Variants in CACNA1E observed in about 807,000 individuals in gnomAD.
CACNA1E encodes the protein calcium voltage-gated channel subunit alpha1 E.
Under a neutral mutation model 259.2 loss-of-function variants are expected in CACNA1E, and 40 were observed. The ratio of observed to expected loss-of-function variants is 0.15; its 90% CI spans 0.12 to 0.20. The LOEUF (loss-of-function observed/expected upper bound fraction) is 0.20, where lower values mean the gene tolerates loss of function less well. CACNA1E is among the 10% of genes least tolerant of loss of function. The probability of loss-of-function intolerance (pLI) is 1.00; values close to 1 mark genes in which losing one functional copy is unlikely to be tolerated. For missense variants in CACNA1E, 1,874 were observed against 3,040.1 expected (o/e 0.62, Z 9.02); for synonymous variants, 1,104 against 1,138.5 (o/e 0.97, Z 0.61).
intron 3 of CACNA1E, among the ~76,000 whole-genome samples, chr1:181,574,551 G>C (rs1207843316): frequency 6.6e-6 from 1 of 152,156 alleles, no homozygotes; most frequent in Non-Finnish European, 1.5e-5. Flanking sequence ...CAGTCACTGG[G>C]CTAGGTTTTG....
At chr1:181,338,107 A>G (rs1257463256) in intron 1 of CACNA1E, among the ~76,000 whole-genome samples, 2 of 152,056 alleles carry the variant, frequency 1.3e-5, no homozygotes, top group Non-Finnish European at 2.9e-5. Flanking sequence ...TTTTTGTGAG[A>G]TGGAGTCTCG....
At chr1:181,402,667 C>T (rs1657187138) in intron 1 of CACNA1E, among the ~76,000 whole-genome samples, 1 of 152,170 alleles carries the variant, frequency 6.6e-6, no homozygotes, top group Non-Finnish European at 1.5e-5. Flanking sequence ...GGAGCCAGGC[C>T]TGGGGGAGGG....
chr1:181,473,731 C>G (rs1662665173), intron 2 of CACNA1E, among the ~76,000 whole-genome samples: 1 of 152,202 alleles, frequency 6.6e-6, no homozygotes, highest in Non-Finnish European at 1.5e-5. Context: ...CATGAAATCT[C>G]TATTCTCTAG....
chr1:181,772,749 TTG>T lies in CACNA1E; in HGVS notation c.5139+520_5139+521del, dbSNP rs1460510523. On this transcript the variant is annotated intron_variant, in intron 37 of 47. Transcript: ENST00000367573. ...GGAATAAATGTGGTTCTCTCTTGAC[TTG>T]TAATGTTATTACATTTGATGATAAT... is the stretch of plus-strand genomic sequence containing the variant. 5.3e-5 allele frequency among the ~76,000 whole-genome samples: 8 copies of T among 152,340 alleles called. No homozygotes were observed. The East Asian group carries it at 7.7e-4, about 15-fold the overall frequency.
chr1:181,330,176 A>T (rs1429544872), intron 1 of CACNA1E, among the ~76,000 whole-genome samples: 2 of 152,156 alleles, frequency 1.3e-5, no homozygotes. Context: ...TGGGCTGATC[A>T]GCTGTTCCTG....
chr1:181,557,245 T>A (rs1465148046), intron 3 of CACNA1E, among the ~76,000 whole-genome samples: 1 of 152,166 alleles, frequency 6.6e-6, no homozygotes, highest in Non-Finnish European at 1.5e-5. Context: ...ATGAGATTGC[T>A]TGGAAGGGCA....
At chr1:181,755,916 A>G (rs749959630) in intron 28 of CACNA1E, 40 bp from the exon 29 acceptor site, 9 of 1,600,662 alleles carry the variant, frequency 5.6e-6, no homozygotes, top group Middle Eastern at 1.7e-4. Flanking sequence ...AGAATGAGCT[A>G]TAGTGAGGAG....
chr1:181,503,565 G>A (rs1665448194), intron 1 of CACNA1E, among the ~76,000 whole-genome samples: 1 of 152,164 alleles, frequency 6.6e-6, no homozygotes, highest in African/African-American at 2.4e-5. Context: ...GTCAGTCCAT[G>A]GCTACAGCCA....
intron 3 of CACNA1E, among the ~76,000 whole-genome samples, chr1:181,548,640 T>C (rs181607768): frequency 6.6e-6 from 1 of 152,348 alleles, no homozygotes; most frequent in African/African-American, 2.4e-5. Flanking sequence ...AACAGTAGCT[T>C]ACCCTCATGT....
intron 6 of CACNA1E, among the ~76,000 whole-genome samples, chr1:181,586,671 TC>T (rs1652101599): frequency 2.6e-5 from 4 of 152,224 alleles, no homozygotes; most frequent in Admixed American, 6.5e-5. Flanking sequence ...TACTAGAGTA[TC>T]TTGCAAATAA....
At chr1:181,607,376 G>A (rs1654332516) in intron 6 of CACNA1E, among the ~76,000 whole-genome samples, 1 of 152,116 alleles carries the variant, frequency 6.6e-6, no homozygotes, top group African/African-American at 2.4e-5. Context: ...CTTAAATTTT[G>A]TTGTCACACT....
intron 39 of CACNA1E, among the ~76,000 whole-genome samples, chr1:181,782,052 CAT>C (rs1290604381): frequency 6.6e-6 from 1 of 152,148 alleles, no homozygotes; most frequent in African/African-American, 2.4e-5. Context: ...TCACCCATGA[CAT>C]AGGAAGAATG....
At chr1:181,412,764 T>G (rs1244452491) in intron 1 of CACNA1E, among the ~76,000 whole-genome samples, 3 of 152,162 alleles carry the variant, frequency 2.0e-5, no homozygotes, top group African/African-American at 7.2e-5. Context: ...CGGAGTTCTC[T>G]CCTTATTGCA....
intron 2 of CACNA1E, 47 bp downstream of exon 2, chr1:181,510,629 G>T: frequency 8.1e-7 from 1 of 1,227,440 alleles, no homozygotes. Context: ...TGTCTTTCTT[G>T]GTTTCTTCTC....
intron 7 of CACNA1E, among the ~76,000 whole-genome samples, chr1:181,682,751 AGAGT>A (rs1188544249): frequency 6.6e-6 from 1 of 152,178 alleles, no homozygotes; most frequent in Non-Finnish European, 1.5e-5. Context: ...CAGTAGGAAG[AGAGT>A]GAGTGAGTGG....
At chr1:181,668,029 GT>G (rs999397276) in intron 7 of CACNA1E, among the ~76,000 whole-genome samples, 28 of 152,158 alleles carry the variant, frequency 1.8e-4, no homozygotes, top group African/African-American at 6.5e-4. Flanking sequence ...GATTTCACCA[GT>G]TTCACATACA....
intron 1 of CACNA1E, among the ~76,000 whole-genome samples, chr1:181,368,938 A>G (rs572135034): frequency 3.9e-4 from 60 of 152,316 alleles, no homozygotes; most frequent in African/African-American, 1.4e-3. Flanking sequence ...GGTAAAGATG[A>G]TATATGCAAA....
intron 37 of CACNA1E, among the ~76,000 whole-genome samples, chr1:181,773,183 G>A (rs1193009070): frequency 6.6e-6 from 1 of 152,148 alleles, no homozygotes; most frequent in African/African-American, 2.4e-5. Context: ...GATCCCAAGG[G>A]GACTGAAACT....
intron 22 of CACNA1E, among the ~76,000 whole-genome samples, chr1:181,736,762 C>T (rs1016937431): frequency 5.9e-5 from 9 of 152,114 alleles, no homozygotes; most frequent in African/African-American, 2.2e-4. Context: ...ATTTTGCCAC[C>T]AAATATTCCA....
Sources: gnomAD v4.1 joint callset for allele counts (sites outside exome capture counted in the v4.1 genomes callset) on GRCh38, gnomAD v4.1.1 for gene constraint, MANE v1.5 for transcripts, NCBI Gene and HGNC (gene_info 2026-07-23, HGNC 2026-07-21) for gene names.